SHANK2: variants seen among roughly 807,000 people sequenced by gnomAD.
SHANK2 encodes SH3 and multiple ankyrin repeat domains protein 2.
SHANK2 carries 43 observed loss-of-function variants against 133.7 expected under a neutral mutation model. The observed-to-expected ratio is 0.32, with a 90% CI of 0.25 to 0.41. SHANK2 has a LOEUF of 0.41. Ranked by LOEUF, SHANK2 falls within the 10% of genes least tolerant of loss-of-function variation. SHANK2 has a pLI of 1.00. For synonymous variants in SHANK2, 1,017 were observed against 952.8 expected (o/e 1.07, Z -1.24); for missense variants, 1,994 against 2,235.8 (o/e 0.89, Z 2.18).
At chr11:71,085,695 CAT>C (rs1156639581) in intron 8 of SHANK2, among the ~76,000 whole-genome samples, 1 of 38,772 alleles carries the variant, frequency 2.6e-5, no homozygotes, top group Non-Finnish European at 4.5e-5. Flanking sequence ...TAATATATAA[CAT>C]ATTATATGTT....
intron 15 of SHANK2, among the ~76,000 whole-genome samples, chr11:70,672,070 T>C (rs960749928): frequency 3.3e-5 from 5 of 150,428 alleles, no homozygotes; most frequent in Non-Finnish European, 7.4e-5. Context: ...CTTTTTCTTT[T>C]TTTTTTTTTT....
intron 15 of SHANK2, among the ~76,000 whole-genome samples, chr11:70,672,654 G>A (rs1349795929): frequency 3.3e-5 from 5 of 152,164 alleles, no homozygotes; most frequent in Non-Finnish European, 7.3e-5. Context: ...TGTGTCCCCA[G>A]CCCTCCAGCT....
At chr11:71,196,420 G>A (rs761514754) in intron 2 of SHANK2, among the ~76,000 whole-genome samples, 7 of 151,824 alleles carry the variant, frequency 4.6e-5, no homozygotes, top group South Asian at 2.1e-4. Flanking sequence ...CAAGTAGCTC[G>A]GATTACAGGC....
intron 3 of SHANK2, among the ~76,000 whole-genome samples, chr11:71,142,831 C>T (rs1343352568): frequency 6.7e-6 from 1 of 149,662 alleles, no homozygotes; most frequent in Non-Finnish European, 1.5e-5. Flanking sequence ...AAAAAAGTCA[C>T]CTATGAGATG....
chr11:71,135,444 C>T lies in SHANK2; in HGVS notation c.207+11676G>A, dbSNP rs115198917. The stretch of plus-strand genomic sequence containing the variant: ...AGGAAAAAGAATCCACTGACTTGCA[C>T]ACTTCCAATAGGTGTGTGCCCAGAC... On this transcript the variant is annotated intron_variant, in intron 3 of 25. Coordinates refer to ENST00000601538, the MANE Select transcript of SHANK2 (RefSeq NM_012309.5). 7.3e-3 allele frequency among the ~76,000 whole-genome samples: 1,110 copies of T among 151,524 alleles called. 13 individuals carry two copies. The highest frequency in any genetic ancestry group is 0.025 in the African/African-American group (1,049 of 41,334).
intron 14 of SHANK2, 77 bp from the exon 15 acceptor site, chr11:70,698,840 G>T: frequency 1.4e-6 from 1 of 716,232 alleles, no homozygotes. Context: ...ACATGAGGCT[G>T]GTGGGCCCTC....
At chr11:70,581,238 C>T (rs2060180703) in intron 17 of SHANK2, among the ~76,000 whole-genome samples, 1 of 152,248 alleles carries the variant, frequency 6.6e-6, no homozygotes, top group South Asian at 2.1e-4. Flanking sequence ...ACAAACCTGA[C>T]TGGCTGTTCC....
At chr11:71,139,717 C>A (rs1453784907) in intron 3 of SHANK2, among the ~76,000 whole-genome samples, 1 of 152,148 alleles carries the variant, frequency 6.6e-6, no homozygotes, top group Admixed American at 6.5e-5. Flanking sequence ...AGAGAGGCTG[C>A]CCTCCCTGTG....
intron 12 of SHANK2, among the ~76,000 whole-genome samples, chr11:70,809,343 C>T (rs1463045358): frequency 6.6e-6 from 1 of 152,116 alleles, no homozygotes; most frequent in Non-Finnish European, 1.5e-5. Flanking sequence ...GAGGAAGGGC[C>T]CATGCACACA....
At chr11:70,725,725 GCA>G (rs1555030479) in intron 14 of SHANK2, among the ~76,000 whole-genome samples, 1 of 97,186 alleles carries the variant, frequency 1.0e-5, no homozygotes. Flanking sequence ...CTTCTTGTCA[GCA>G]CATTGTCGGT....
At chr11:70,856,501 GTGGATGGATGGA>G (rs777161766) in intron 11 of SHANK2, among the ~76,000 whole-genome samples, 7 of 149,654 alleles carry the variant, frequency 4.7e-5, no homozygotes, top group Non-Finnish European at 8.9e-5. Context: ...TGGATAATGA[GTGGATGGATGGA>G]TGGATGGATG....
At chr11:70,837,585 T>C (rs1948838862) in intron 11 of SHANK2, among the ~76,000 whole-genome samples, 1 of 152,224 alleles carries the variant, frequency 6.6e-6, no homozygotes, top group Admixed American at 6.5e-5. Flanking sequence ...TTTGCTTATA[T>C]GGTCTTTCTC....
intron 17 of SHANK2, among the ~76,000 whole-genome samples, chr11:70,566,009 G>A (rs1238993717): frequency 6.6e-6 from 1 of 152,162 alleles, no homozygotes; most frequent in African/African-American, 2.4e-5. Context: ...CACATGGCTG[G>A]GGAGGCCTCA....
rs973391795 is a variant in SHANK2, at chr11:71,071,864, T to C, written c.1029+3295A>G. On this transcript the variant is annotated intron_variant, in intron 9 of 25. Coordinates refer to ENST00000601538, the MANE Select transcript of SHANK2 (RefSeq NM_012309.5). ...GCACTGCTTTGGGATGGGAAGAGAATGCTGACAGCCTGCAGAGGATGGACC... is the reference window on the plus strand; with the variant it reads ...GCACTGCTTTGGGATGGGAAGAGAACGCTGACAGCCTGCAGAGGATGGACC... Among the ~76,000 whole-genome samples the C allele has an allele frequency of 1.8e-3, 279 of 152,130 alleles. 4 individuals carry two copies. The highest frequency in any genetic ancestry group is 3.5e-3 in the Non-Finnish European group (240 of 68,000).
intron 5 of SHANK2, among the ~76,000 whole-genome samples, chr11:71,112,457 C>G (rs78473114): frequency 1.3e-4 from 20 of 152,240 alleles, no homozygotes; most frequent in Non-Finnish European, 2.2e-4. Context: ...AAACAAAAAC[C>G]GAGAGGATCC....
intron 14 of SHANK2, among the ~76,000 whole-genome samples, chr11:70,790,045 T>C (rs1947755254): frequency 6.6e-6 from 1 of 152,262 alleles, no homozygotes; most frequent in Non-Finnish European, 1.5e-5. Flanking sequence ...ATTGCATTCA[T>C]TTTTCATAAA....
Position 70,661,688 on chromosome 11 carries a change from G to A in SHANK2, c.1854-10C>T, listed in dbSNP as rs781984157. The A allele has an allele frequency of 6.2e-7, 1 of 1,614,160 alleles. No individual in the cohort carries two copies. ...CTCAATAATGCAGTCACTGTAGAGA[G>A]AATTCCGGGGACAGCGACCATTATT... On this transcript the variant is annotated splice_polypyrimidine_tract_variant and intron_variant, in intron 15 of 25. Coordinates refer to ENST00000601538, the MANE Select transcript of SHANK2 (RefSeq NM_012309.5).
Position 70,485,232 on chromosome 11 carries a change from G to T in SHANK2, c.4979+82C>A. 8.4e-7 allele frequency: 1 copy of T among 1,189,856 alleles called. No homozygotes were observed. 73.7% of individuals were successfully genotyped at this position (1,189,856 alleles called of 1,614,324 possible). On this transcript the variant is annotated intron_variant, in intron 25 of 25. Coordinates refer to ENST00000601538, the MANE Select transcript of SHANK2 (RefSeq NM_012309.5). This position sits in a 1 kb window ranked among gnomAD's most constrained non-coding sequence, Gnocchi z 5.8. ...CGAATTCCCCTCTTCGTGTCCGCTG[G>T]GGCTGCTACCCGAGGGCCTTTCCTG...
chr11:71,222,922 G>T (rs749811), intron 2 of SHANK2, among the ~76,000 whole-genome samples: 1 of 152,092 alleles, frequency 6.6e-6, no homozygotes. Context: ...GGGGACTGTG[G>T]AGGATACAGA....
Sources: allele counts gnomAD v4.1 joint callset (sites outside exome capture counted in the v4.1 genomes callset), GRCh38; gene constraint gnomAD v4.1.1; non-coding constraint Gnocchi (gnomAD v3.1); transcripts MANE v1.5; gene names NCBI Gene and HGNC (gene_info 2026-07-23, HGNC 2026-07-21).